Variants in DLGAP3 observed in about 807,000 individuals in gnomAD.
DLGAP3 encodes DLG associated protein 3.
DLGAP3 carries 17 observed loss-of-function variants against 81.2 expected under a neutral mutation model. The observed-to-expected ratio is 0.21, with a 90% CI of 0.14 to 0.31. The LOEUF is 0.31. Among genes scored for constraint, DLGAP3 ranks in the 10% least tolerant of loss-of-function variants. The probability of loss-of-function intolerance (pLI) is 1.00; values close to 1 mark genes in which losing one functional copy is unlikely to be tolerated. For missense variants in DLGAP3, 1,124 were observed against 1,388.0 expected (o/e 0.81, Z 3.02); for synonymous variants, 577 against 587.4 (o/e 0.98, Z 0.26).
chr1:34,885,902 C>T (rs1028023395), intron 6 of DLGAP3, 111 bp from the exon 7 acceptor site: 13 of 1,150,090 alleles, frequency 1.1e-5, no homozygotes, highest in African/African-American at 1.5e-5. Flanking sequence ...CCTGCAGCGG[C>T]GCGCACTCCA....
chr1:34,889,362 GA>G (rs773197278), intron 5 of DLGAP3, among the ~76,000 whole-genome samples: 45 of 152,178 alleles, frequency 3.0e-4, no homozygotes, highest in Non-Finnish European at 4.9e-4. Context: ...GACTCTCAGA[GA>G]AATATTACAC....
rs139859668 is a variant in DLGAP3 at position 34,884,044 on chromosome 1, G to A, written c.2000+934C>T. ...ACCAATTCTCATGCCTCAGCCTCTC[G>A]AGCAGCTGAGACTACAGGAGTGTGC... On this transcript the variant is annotated intron_variant, in intron 8 of 11. Coordinates refer to ENST00000373347, the MANE Select transcript of DLGAP3 (RefSeq NM_001080418.3). Among the ~76,000 whole-genome samples, 119 of 152,036 alleles carry A rather than the reference G, an allele frequency of 7.8e-4. 3 individuals are homozygous for A. Among genetic ancestry groups the A allele is most frequent in the African/African-American group, 2.8e-3 (114 of 41,370 alleles).
At chr1:34,918,318 T>C (rs768991787) in intron 1 of DLGAP3, among the ~76,000 whole-genome samples, 5 of 152,154 alleles carry the variant, frequency 3.3e-5, no homozygotes, top group Non-Finnish European at 7.4e-5. Flanking sequence ...TGGGGGTCTA[T>C]GGGGATGGCA....
intron 5 of DLGAP3, among the ~76,000 whole-genome samples, chr1:34,897,153 A>T (rs181306457): frequency 6.6e-6 from 1 of 152,360 alleles, no homozygotes; most frequent in East Asian, 1.9e-4. Context: ...ATTATGAGAC[A>T]TAATAGGGTG....
In DLGAP3 at chr1:34,905,264, G is replaced by A. The variant is rs1236156946; in HGVS notation, c.120C>T (p.Ala40=). ...RAPYLLGSRE[A]FSTEPRFCAP... is the part of the protein sequence containing the mutation. Reference sequence around the variant, plus strand: ...CACAGAAGCGGGGCTCGGTGGAGAAGGCCTCCCTGGAGCCCAGCAGGTATG... The same window carrying A: ...CACAGAAGCGGGGCTCGGTGGAGAAAGCCTCCCTGGAGCCCAGCAGGTATG... Residue 40 remains alanine, a synonymous_variant, in exon 3 of 12, where the codon GCC becomes GCT. Transcript: ENST00000373347. 6.3e-7 allele frequency: 1 copy of A among 1,587,410 alleles called. No individual in the cohort carries two copies. The highest frequency in any genetic ancestry group is 8.6e-7 in the Non-Finnish European group (1 of 1,167,166).
At chr1:34,876,450 G>T (rs548137509) in intron 8 of DLGAP3, among the ~76,000 whole-genome samples, 2 of 152,344 alleles carry the variant, frequency 1.3e-5, no homozygotes, top group South Asian at 4.1e-4. Context: ...AAGAAAATGG[G>T]GCTGGGCTGT....
At position 34,867,605 on chromosome 1, in the gene DLGAP3, A is replaced by G. The variant is rs1471894650; in HGVS notation, c.2508T>C (p.Ala836=). The change falls in exon 10 of 12, where the codon GCT becomes GCC. Residue 836 remains alanine (A), a synonymous_variant. Coordinates refer to ENST00000373347, the MANE Select transcript of DLGAP3 (RefSeq NM_001080418.3). The surrounding 1 kb of genome is among the most constrained non-coding windows in gnomAD (Gnocchi z 4.3). ...PEEILEKIRS[A]VGSTQLLLSQ... ...ACAGGAGAAGTTGTGTGCTGCCCAC[A>G]GCACTGCGGATCTTCTCCAGGACTA... The G allele has an allele frequency of 1.2e-6, 2 of 1,613,644 alleles. No homozygotes were observed. Among genetic ancestry groups the G allele is most frequent in the Non-Finnish European group, 8.5e-7 (1 of 1,179,680 alleles).
At chr1:34,866,790 C>A (rs139825938) in intron 11 of DLGAP3, among the ~76,000 whole-genome samples, 3 of 152,108 alleles carry the variant, frequency 2.0e-5, no homozygotes, top group Non-Finnish European at 2.9e-5. Flanking sequence ...CGCCACCCCC[C>A]CAACCCCGCT....
chr1:34,893,227 G>C lies in DLGAP3; in HGVS notation c.1386+6442C>G, dbSNP rs565848987. Among the ~76,000 whole-genome samples the C allele has an allele frequency of 2.4e-4, 36 of 151,098 alleles. No homozygotes were observed. In the South Asian group the frequency reaches 7.1e-3, roughly 30 times the overall value. ...ATGAACACCAGAAGGCAGTGGAGTG[G>C]TATATTCTAAGTGCTGAAAGAAAAA... On this transcript the variant is annotated intron_variant, in intron 5 of 11. Coordinates refer to ENST00000373347, the MANE Select transcript of DLGAP3 (RefSeq NM_001080418.3).
intron 8 of DLGAP3, among the ~76,000 whole-genome samples, chr1:34,877,631 C>T (rs1639077941): frequency 1.3e-5 from 2 of 152,062 alleles, no homozygotes; most frequent in Non-Finnish European, 2.9e-5. Context: ...ACTAGATAAA[C>T]ATAACATGGA....
chr1:34,898,653 C>T (rs931990459), intron 5 of DLGAP3, among the ~76,000 whole-genome samples: 1 of 152,150 alleles, frequency 6.6e-6, no homozygotes. Context: ...GCCAAGAACA[C>T]TATTATGATG....
intron 5 of DLGAP3, among the ~76,000 whole-genome samples, chr1:34,891,170 C>T (rs553919227): frequency 1.6e-4 from 24 of 152,290 alleles, no homozygotes; most frequent in African/African-American, 5.8e-4. Flanking sequence ...ATAAAAATTA[C>T]TGGACTTTGG....
rs1638905687 is a variant in DLGAP3, at chr1:34,867,599, G to A, written c.2514C>T (p.Gly838=). ...TCTGGGACAGGAGAAGTTGTGTGCTGCCCACAGCACTGCGGATCTTCTCCA... is the reference window on the plus strand; with the variant it reads ...TCTGGGACAGGAGAAGTTGTGTGCTACCCACAGCACTGCGGATCTTCTCCA... ...EILEKIRSAV[G]STQLLLSQKV... is the part of the protein sequence containing the mutation. The change falls in exon 10 of 12, where the codon GGC becomes GGT. Residue 838 remains glycine, a synonymous_variant. Coordinates refer to ENST00000373347, the MANE Select transcript of DLGAP3 (RefSeq NM_001080418.3). The surrounding 1 kb of genome is among the most constrained non-coding windows in gnomAD (Gnocchi z 4.3). 1 of 1,613,906 alleles carries A rather than the reference G, an allele frequency of 6.2e-7. No homozygotes were observed. The highest frequency in any genetic ancestry group is 8.5e-7 in the Non-Finnish European group (1 of 1,179,848).
intron 8 of DLGAP3, among the ~76,000 whole-genome samples, chr1:34,877,722 C>T (rs1052672890): frequency 2.6e-5 from 4 of 152,134 alleles, no homozygotes; most frequent in Non-Finnish European, 5.9e-5. Context: ...GAAGTACTGA[C>T]TAATGTTAGA....
intron 11 of DLGAP3, among the ~76,000 whole-genome samples, chr1:34,866,790 C>T (rs139825938): frequency 6.6e-6 from 1 of 152,108 alleles, no homozygotes; most frequent in African/African-American, 2.4e-5. Context: ...CGCCACCCCC[C>T]CAACCCCGCT....
In DLGAP3 at chr1:34,900,298, C is replaced by G. The variant is rs1436711933; in HGVS notation, c.1108-25G>C. The stretch of plus-strand genomic sequence containing the variant: ...CCTGCAGGAACAGGGGTCTCTGTCT[C>G]TCAGACATGACCCTAGTAAATCTAG... On this transcript the variant is annotated intron_variant, in intron 3 of 11. Transcript: ENST00000373347. The surrounding 1 kb of genome is among the most constrained non-coding windows in gnomAD (Gnocchi z 5.6). The G allele has an allele frequency of 6.2e-7, 1 of 1,604,568 alleles. No individual in the cohort carries two copies. The highest frequency in any genetic ancestry group is 8.5e-7 in the Non-Finnish European group (1 of 1,172,422).
At chr1:34,901,095 T>G (rs991313203) in intron 3 of DLGAP3, among the ~76,000 whole-genome samples, 69 of 152,200 alleles carry the variant, frequency 4.5e-4, no homozygotes, top group African/African-American at 1.6e-3. Flanking sequence ...CACCTTGAGC[T>G]TGGCATAGAA....
chr1:34,871,679 C>A (rs1364020366), intron 8 of DLGAP3, among the ~76,000 whole-genome samples: 2 of 152,228 alleles, frequency 1.3e-5, no homozygotes, highest in African/African-American at 4.8e-5. Context: ...TCTGCCACAC[C>A]TGCGTGCTTT....
intron 3 of DLGAP3, among the ~76,000 whole-genome samples, chr1:34,903,159 G>A (rs6686484): frequency 0.62 from 93,635 of 152,008 alleles, 30,050 homozygotes; most frequent in East Asian, 1. Flanking sequence ...CCCAATACAC[G>A]TTTAGCCAGC....
Sources: gnomAD v4.1 joint callset for allele counts (sites outside exome capture counted in the v4.1 genomes callset) on GRCh38, gnomAD v4.1.1 for gene constraint, Gnocchi (gnomAD v3.1) non-coding constraint, MANE v1.5 for transcripts, NCBI Gene and HGNC (gene_info 2026-07-23, HGNC 2026-07-21) for gene names.